The following CACNA2D1 variants were observed in gnomAD, a reference collection of about 807,000 sequenced individuals.
The protein encoded by CACNA2D1 is voltage-dependent calcium channel subunit alpha-2/delta-1.
Under a neutral mutation model 171.5 loss-of-function variants are expected in CACNA2D1, and 53 were observed. That is an observed-to-expected ratio of 0.31 (90% CI 0.25 to 0.39). The LOEUF (loss-of-function observed/expected upper bound fraction) is 0.39, where lower values mean the gene tolerates loss of function less well. Ranked by LOEUF, CACNA2D1 falls within the 10% of genes least tolerant of loss-of-function variation. The pLI is 1.00. For synonymous variants in CACNA2D1, 442 were observed against 443.1 expected (o/e 1.00, Z 0.03); for missense variants, 903 against 1,299.8 (o/e 0.69, Z 4.69).
At chr7:82,287,273 T>A (rs1186284774) in intron 3 of CACNA2D1, among the ~76,000 whole-genome samples, 3 of 151,788 alleles carry the variant, frequency 2.0e-5, no homozygotes, top group Admixed American at 2.0e-4. Context: ...TTTTTTTTTT[T>A]AATACACTAG....
intron 3 of CACNA2D1, among the ~76,000 whole-genome samples, chr7:82,298,850 G>T (rs1752669385): frequency 6.6e-6 from 1 of 152,152 alleles, no homozygotes; most frequent in Non-Finnish European, 1.5e-5. Context: ...ATCACCTGCG[G>T]TCAGGAGTTC....
intron 26 of CACNA2D1, chr7:81,970,952 T>C: frequency 1.9e-6 from 1 of 534,428 alleles, no homozygotes; most frequent in Non-Finnish European, 3.4e-6. Flanking sequence ...TGAGGTGCAT[T>C]TTGAACATGG....
At chr7:82,205,831 C>T (rs954712975) in intron 3 of CACNA2D1, among the ~76,000 whole-genome samples, 1 of 152,054 alleles carries the variant, frequency 6.6e-6, no homozygotes, top group Non-Finnish European at 1.5e-5. Flanking sequence ...TGAAATAATT[C>T]CCATTAAAAA....
intron 3 of CACNA2D1, among the ~76,000 whole-genome samples, chr7:82,332,552 A>AAG (rs1298312506): frequency 6.8e-6 from 1 of 146,000 alleles, no homozygotes; most frequent in Non-Finnish European, 1.5e-5. Flanking sequence ...GAAAGAAAGA[A>AAG]AGAAAGAAAG....
intron 4 of CACNA2D1, among the ~76,000 whole-genome samples, chr7:82,169,153 T>A (rs542565698): frequency 6.6e-6 from 1 of 152,138 alleles, no homozygotes; most frequent in Non-Finnish European, 1.5e-5. Flanking sequence ...ACAAAAAAAA[T>A]CGTTTTTATC....
chr7:82,358,341 A>C (rs1011357266), intron 1 of CACNA2D1, among the ~76,000 whole-genome samples: 39 of 152,198 alleles, frequency 2.6e-4, no homozygotes, highest in African/African-American at 9.2e-4. Flanking sequence ...GTATACAATT[A>C]ATTGTTTTGG....
intron 1 of CACNA2D1, among the ~76,000 whole-genome samples, chr7:82,405,646 A>C (rs1284410657): frequency 2.0e-5 from 3 of 152,190 alleles, no homozygotes; most frequent in Non-Finnish European, 4.4e-5. Context: ...TATTAAAAAA[A>C]TGCAAATTAT....
intron 3 of CACNA2D1, among the ~76,000 whole-genome samples, chr7:82,302,965 C>T (rs1813215075): frequency 2.6e-5 from 4 of 152,068 alleles, no homozygotes; most frequent in African/African-American, 9.7e-5. Flanking sequence ...GGAGAAATGA[C>T]ACAACATTTG....
chr7:82,132,770 A>C (rs936127862), intron 5 of CACNA2D1, among the ~76,000 whole-genome samples: 1 of 152,330 alleles, frequency 6.6e-6, no homozygotes, highest in South Asian at 2.1e-4. Flanking sequence ...TACTTTAGGT[A>C]TCTCTCTAAC....
intron 6 of CACNA2D1, among the ~76,000 whole-genome samples, chr7:82,108,515 G>A (rs1788006213): frequency 6.6e-6 from 1 of 152,054 alleles, no homozygotes; most frequent in South Asian, 2.1e-4. Context: ...CATATAAATT[G>A]GGGATGGAGG....
At chr7:82,037,578 A>G (rs1403241626) in intron 11 of CACNA2D1, among the ~76,000 whole-genome samples, 1 of 152,142 alleles carries the variant, frequency 6.6e-6, no homozygotes, top group Non-Finnish European at 1.5e-5. Context: ...CCTCACTCAG[A>G]AAGAATTCCT....
At chr7:82,129,471 G>C (rs746658987) in intron 5 of CACNA2D1, among the ~76,000 whole-genome samples, 6 of 152,092 alleles carry the variant, frequency 3.9e-5, no homozygotes, top group Non-Finnish European at 8.8e-5. Flanking sequence ...CATTTGAAGA[G>C]TACTTCTCAA....
At chr7:82,362,282 C>A (rs1821158314) in intron 1 of CACNA2D1, among the ~76,000 whole-genome samples, 1 of 152,118 alleles carries the variant, frequency 6.6e-6, no homozygotes, top group Admixed American at 6.5e-5. Flanking sequence ...CCATTTAGAG[C>A]ACATCCCAAC....
chr7:82,158,043 T>C (rs956471803), intron 4 of CACNA2D1, among the ~76,000 whole-genome samples: 2 of 151,840 alleles, frequency 1.3e-5, no homozygotes, highest in African/African-American at 4.8e-5. Context: ...ATACAAATGT[T>C]TACATATGAA....
chr7:82,143,932 T>C (rs768591097), intron 4 of CACNA2D1, among the ~76,000 whole-genome samples: 1 of 152,196 alleles, frequency 6.6e-6, no homozygotes, highest in Non-Finnish European at 1.5e-5. Flanking sequence ...TCAGAAATCC[T>C]ATAGCTTTTC....
intron 3 of CACNA2D1, among the ~76,000 whole-genome samples, chr7:82,217,634 TCACACACA>T (rs71522607): frequency 3.6e-5 from 5 of 140,230 alleles, no homozygotes; most frequent in South Asian, 2.3e-4. Flanking sequence ...TGGCACAGTT[TCACACACA>T]CACACACACA....
At chr7:82,068,675 A>G (rs1807961023) in intron 7 of CACNA2D1, among the ~76,000 whole-genome samples, 1 of 144,482 alleles carries the variant, frequency 6.9e-6, no homozygotes, top group Admixed American at 6.7e-5. Context: ...GAGAGAAGTG[A>G]TTAGTTACCA....
In CACNA2D1 at chr7:81,967,162, T is replaced by A. The variant is rs1358997557; in HGVS notation, c.2502+7A>T. On this transcript the variant is annotated splice_region_variant and intron_variant, in intron 31 of 38. Transcript: ENST00000356860. Reference sequence around the variant, plus strand: ...TACTCAAAAGTGATTTTAAATAGTTTTCTTACGTCACTGTTTCTTTTGCAG... The same window carrying A: ...TACTCAAAAGTGATTTTAAATAGTTATCTTACGTCACTGTTTCTTTTGCAG... 1.2e-6 allele frequency: 2 copies of A among 1,602,454 alleles called. No homozygotes were observed. Among genetic ancestry groups the A allele is most frequent in the African/African-American group, 2.7e-5 (2 of 74,634 alleles).
chr7:82,221,913 T>G (rs910219189), intron 3 of CACNA2D1, among the ~76,000 whole-genome samples: 24 of 151,810 alleles, frequency 1.6e-4, no homozygotes, highest in African/African-American at 5.6e-4. Context: ...GTCTGAAAAC[T>G]GAGCAGCTTT....
Sources: allele counts gnomAD v4.1 joint callset (sites outside exome capture counted in the v4.1 genomes callset), GRCh38; gene constraint gnomAD v4.1.1; transcripts MANE v1.5; gene names NCBI Gene and HGNC (gene_info 2026-07-23, HGNC 2026-07-21).